Variants in KIF3B observed in about 807,000 individuals in gnomAD.
The protein encoded by KIF3B is kinesin-like protein KIF3B.
KIF3B carries 38 observed loss-of-function variants against 74.3 expected under a neutral mutation model. The observed-to-expected ratio is 0.51, with a 90% CI of 0.39 to 0.67. KIF3B has a LOEUF of 0.67. Ranked by LOEUF, KIF3B falls within the 30% of genes least tolerant of loss-of-function variation. KIF3B has a pLI of 0.00. For missense variants in KIF3B, 649 were observed against 932.0 expected (o/e 0.70, Z 3.95); for synonymous variants, 326 against 342.5 (o/e 0.95, Z 0.53).
At chr20:32,313,385 T>C (rs150040685) in intron 2 of KIF3B, among the ~76,000 whole-genome samples, 11 of 152,326 alleles carry the variant, frequency 7.2e-5, no homozygotes, top group Admixed American at 7.2e-4. Flanking sequence ...TGTTTATAAA[T>C]TTTAAAATTA....
intron 7 of KIF3B, among the ~76,000 whole-genome samples, chr20:32,329,284 C>A (rs1353647144): frequency 1.3e-5 from 2 of 152,162 alleles, no homozygotes; most frequent in African/African-American, 2.4e-5. Context: ...CTCAGGTGAT[C>A]CACCCGCCTT....
chr20:32,312,339 G>A (rs912991692), intron 2 of KIF3B, among the ~76,000 whole-genome samples: 1 of 151,212 alleles, frequency 6.6e-6, no homozygotes, highest in Non-Finnish European at 1.5e-5. Context: ...TCCTGGGCTC[G>A]AATGATTCTC....
At chr20:32,307,124 C>G (rs1475764722) in intron 1 of KIF3B, among the ~76,000 whole-genome samples, 1 of 152,188 alleles carries the variant, frequency 6.6e-6, no homozygotes, top group African/African-American at 2.4e-5. Context: ...AGATTTCTCA[C>G]ATACCTCTGC....
At chr20:32,292,583 GAAAAAAAAA>G (rs71185398) in intron 1 of KIF3B, among the ~76,000 whole-genome samples, 1 of 71,822 alleles carries the variant, frequency 1.4e-5, no homozygotes, top group African/African-American at 4.7e-5. Flanking sequence ...ACTAAAAATA[GAAAAAAAAA>G]AAAAAAAAAA....
At chr20:32,282,771 C>T (rs977597792) in intron 1 of KIF3B, among the ~76,000 whole-genome samples, 3 of 152,134 alleles carry the variant, frequency 2.0e-5, no homozygotes, top group East Asian at 1.9e-4. Flanking sequence ...ATTCTCCCTG[C>T]CAAAGTGGTT....
chr20:32,305,570 C>CTTTTTTTTTTTT (rs869049527), intron 1 of KIF3B, among the ~76,000 whole-genome samples: 14 of 86,904 alleles, frequency 1.6e-4, no homozygotes, highest in African/African-American at 2.1e-4. Flanking sequence ...ACTCCCCCAC[C>CTTTTTTTTTTTT]TTTTTTTTTT....
At chr20:32,304,405 A>T (rs1413663103) in intron 1 of KIF3B, among the ~76,000 whole-genome samples, 1 of 152,218 alleles carries the variant, frequency 6.6e-6, no homozygotes, top group Non-Finnish European at 1.5e-5. Context: ...TATTTTTTAA[A>T]AATTGCAATT....
At chr20:32,324,644 G>A (rs1166114098) in intron 5 of KIF3B, among the ~76,000 whole-genome samples, 2 of 152,100 alleles carry the variant, frequency 1.3e-5, no homozygotes, top group Non-Finnish European at 2.9e-5. Flanking sequence ...TTTCATTAGT[G>A]GGGTTACAAA....
Position 32,300,839 on chromosome 20 carries a change from TTTGTTGTTG to T in KIF3B, c.-65-8850_-65-8842del, listed in dbSNP as rs145346172. ...ATAGAGAAGTGGAATTGCTGAGGAT[TTTGTTGTTG>T]TTGTTGTTGTTGTTGTTGTTGTTTA... is the stretch of plus-strand genomic sequence containing the variant. On this transcript the variant is annotated intron_variant, in intron 1 of 8. Transcript: ENST00000375712. Among the ~76,000 whole-genome samples the T allele has an allele frequency of 6.4e-3, 968 of 150,806 alleles. 21 individuals are homozygous for T. Among genetic ancestry groups the T allele is most frequent in the Admixed American group, 0.037 (562 of 15,134 alleles).
chr20:32,325,188 T>TTTG lies in KIF3B; in HGVS notation c.1749-1568_1749-1566dup, dbSNP rs751874839. Among the ~76,000 whole-genome samples, 14 of 152,088 alleles carry TTTG rather than the reference T, an allele frequency of 9.2e-5. No individual in the cohort carries two copies. In the East Asian group the frequency reaches 9.7e-4, roughly 10 times the overall value. On this transcript the variant is annotated intron_variant, in intron 5 of 8. Transcript: ENST00000375712. ...GTGATTATGTTTTTTACATTTTCTT[T>TTTG]TTGTTGTTGTTGTTGTTTGAGACAG...
intron 8 of KIF3B, among the ~76,000 whole-genome samples, chr20:32,330,569 G>C (rs2047925457): frequency 6.6e-6 from 1 of 152,212 alleles, no homozygotes; most frequent in Non-Finnish European, 1.5e-5. Flanking sequence ...TGAAATAGCA[G>C]TCAGTTCTTC....
chr20:32,324,188 T>G (rs1040984161), intron 5 of KIF3B, among the ~76,000 whole-genome samples: 2 of 152,146 alleles, frequency 1.3e-5, no homozygotes, highest in African/African-American at 4.8e-5. Context: ...TTAACTTGTA[T>G]CTCTATCCCC....
rs780352862 is a variant in KIF3B, at chr20:32,316,566, C to T, written c.1546C>T (p.Arg516Ter). The T allele has an allele frequency of 3.7e-6, 6 of 1,613,846 alleles. No individual in the cohort carries two copies. The highest frequency in any genetic ancestry group is 5.1e-6 in the Non-Finnish European group (6 of 1,179,956). The change falls in exon 4 of 9, where the codon CGA becomes TGA. Residue 516 changes from arginine (R) to a stop codon, truncating the protein, a stop_gained. Transcript: ENST00000375712. LOFTEE classifies it high-confidence loss of function. Reference protein sequence around the residue: ...EREIQQQMESRDEETLELKET... With the variant: ...EREIQQQMES ...AGAAATCCAGCAACAGATGGAAAGTCGAGATGAGGAGACCTTGGAACTTAA... is the reference window on the plus strand; with the variant it reads ...AGAAATCCAGCAACAGATGGAAAGTTGAGATGAGGAGACCTTGGAACTTAA...
chr20:32,284,981 T>G (rs2047660722), intron 1 of KIF3B, among the ~76,000 whole-genome samples: 1 of 152,100 alleles, frequency 6.6e-6, no homozygotes, highest in African/African-American at 2.4e-5. Flanking sequence ...AGTCTATTGC[T>G]CTTTCTACCA....
intron 5 of KIF3B, among the ~76,000 whole-genome samples, chr20:32,325,651 C>CT (rs2047899069): frequency 5.9e-5 from 6 of 101,082 alleles, no homozygotes; most frequent in East Asian, 5.0e-4. Flanking sequence ...CTCTCTCTCT[C>CT]TCTCTTTTTT....
chr20:32,300,074 C>CTGTTTTGTTT lies in KIF3B; in HGVS notation c.-65-9603_-65-9594dup, dbSNP rs59811144. Reference sequence around the variant, plus strand: ...TATAGGTGAGAGCCGCCACACTGGCCTGTTTTGTTTTGTTTTGTTTTGTTT... The same window carrying CTGTTTTGTTT: ...TATAGGTGAGAGCCGCCACACTGGCCTGTTTTGTTTTGTTTTGTTTTGTTTTGTTTTGTTT... On this transcript the variant is annotated intron_variant, in intron 1 of 8. Transcript: ENST00000375712. Among the ~76,000 whole-genome samples the CTGTTTTGTTT allele has an allele frequency of 1.4e-3, 203 of 149,610 alleles. 3 individuals are homozygous for CTGTTTTGTTT. The highest frequency in any genetic ancestry group is 2.8e-3 in the Admixed American group (42 of 14,894).
chr20:32,322,802 TTA>T (rs1456139307), intron 5 of KIF3B, among the ~76,000 whole-genome samples: 3 of 47,410 alleles, frequency 6.3e-5, no homozygotes, highest in Non-Finnish European at 9.1e-5. Flanking sequence ...ATATATATAT[TTA>T]TATATATTTA....
At chr20:32,281,703 C>T (rs1484516815) in intron 1 of KIF3B, among the ~76,000 whole-genome samples, 4 of 151,842 alleles carry the variant, frequency 2.6e-5, no homozygotes, top group East Asian at 1.9e-4. Context: ...GGCAACAGAG[C>T]GAGACTCCAT....
intron 1 of KIF3B, among the ~76,000 whole-genome samples, chr20:32,290,209 C>T (rs2122660468): frequency 6.6e-6 from 1 of 152,152 alleles, no homozygotes; most frequent in South Asian, 2.1e-4. Context: ...ATAGTGAAAC[C>T]CACGCTCTAC....
Sources: gnomAD v4.1 joint callset for allele counts (sites outside exome capture counted in the v4.1 genomes callset) on GRCh38, gnomAD v4.1.1 for gene constraint, MANE v1.5 for transcripts, NCBI Gene and HGNC (gene_info 2026-07-23, HGNC 2026-07-21) for gene names.